The following NAP1L4 variants were observed in gnomAD, a reference collection of about 807,000 sequenced individuals.
The protein encoded by NAP1L4 is nucleosome assembly protein 1 like 4.
A neutral mutation model predicts 58.2 loss-of-function variants in NAP1L4; 15 were observed. The observed-to-expected ratio is 0.26, with a 90% CI of 0.17 to 0.40. NAP1L4 has a LOEUF of 0.40. Ranked by LOEUF, NAP1L4 falls within the 10% of genes least tolerant of loss-of-function variation. The probability of loss-of-function intolerance (pLI) is 1.00; values close to 1 mark genes in which losing one functional copy is unlikely to be tolerated. For missense variants in NAP1L4, 384 were observed against 451.1 expected (o/e 0.85, Z 1.35); for synonymous variants, 171 against 155.6 (o/e 1.10, Z -0.74).
rs548956923 is a variant in NAP1L4 at position 2,956,383 on chromosome 11, G to A, written c.893-617C>T. On this transcript the variant is annotated intron_variant, in intron 10 of 15. Transcript: ENST00000380542. Reference sequence around the variant, plus strand: ...ACCACACTCAATGAAGCTGTGCAACGTTCAACTGGTAGAAGATCCAACCCC... The same window carrying A: ...ACCACACTCAATGAAGCTGTGCAACATTCAACTGGTAGAAGATCCAACCCC... Among the ~76,000 whole-genome samples, 13 of 152,064 alleles carry A rather than the reference G, an allele frequency of 8.5e-5. No homozygotes were observed. In the South Asian group the frequency reaches 2.3e-3, roughly 27 times the overall value.
intron 9 of NAP1L4, chr11:2,958,819 T>C (rs1846699401): frequency 2.8e-5 from 12 of 423,214 alleles, no homozygotes; most frequent in South Asian, 1.4e-4. Context: ...CTCTGAAATG[T>C]ATATTCTGTG....
At chr11:2,975,681 T>A (rs1393623205) in intron 4 of NAP1L4, among the ~76,000 whole-genome samples, 1 of 151,680 alleles carries the variant, frequency 6.6e-6, no homozygotes, top group Admixed American at 6.6e-5. Context: ...CACAGGCTCA[T>A]GTGGGTAAGT....
intron 6 of NAP1L4, among the ~76,000 whole-genome samples, chr11:2,970,447 G>C (rs1480721514): frequency 2.0e-5 from 3 of 151,992 alleles, no homozygotes; most frequent in African/African-American, 7.2e-5. Flanking sequence ...AATTGCCGCA[G>C]CAGTATCTGC....
chr11:2,974,926 G>A (rs988736283), intron 4 of NAP1L4, among the ~76,000 whole-genome samples: 1 of 152,140 alleles, frequency 6.6e-6, no homozygotes, highest in African/African-American at 2.4e-5. Context: ...TACTCAGGAG[G>A]CTGAGGCAGG....
intron 1 of NAP1L4, among the ~76,000 whole-genome samples, chr11:2,985,184 G>A (rs1848549584): frequency 6.6e-6 from 1 of 152,210 alleles, no homozygotes; most frequent in Admixed American, 6.5e-5. Flanking sequence ...CACTAACGGA[G>A]TTTCAGAATT....
chr11:2,958,436 G>A lies in NAP1L4; in HGVS notation c.855C>T (p.Pro285=). ...GTVRTITKQV[P]NESFFNFFNP... ...TGAAGAAGTTGAAAAAGGACTCATT[G>A]GGTACTTGTTTCGTAATTGTTCTAA... Residue 285 remains proline (P), a synonymous_variant, in exon 10 of 16, where the codon CCC becomes CCT. Transcript: ENST00000380542. The A allele has an allele frequency of 6.2e-7, 1 of 1,614,152 alleles. No individual in the cohort carries two copies. Among genetic ancestry groups the A allele is most frequent in the Non-Finnish European group, 8.5e-7 (1 of 1,180,002 alleles).
At chr11:2,962,982 C>T (rs1287347404) in intron 8 of NAP1L4, among the ~76,000 whole-genome samples, 4 of 151,420 alleles carry the variant, frequency 2.6e-5, no homozygotes, top group Non-Finnish European at 5.9e-5. Context: ...TGCCTGTAGT[C>T]CCAGCTACTC....
At chr11:2,958,285 G>A (rs564237731) in intron 10 of NAP1L4, 114 bp downstream of exon 10, 14 of 1,115,364 alleles carry the variant, frequency 1.3e-5, no homozygotes, top group Admixed American at 3.7e-5. Context: ...TGCCCCTACT[G>A]ACCACACTTG....
At chr11:2,962,381 G>A (rs1846977772) in intron 8 of NAP1L4, among the ~76,000 whole-genome samples, 1 of 152,352 alleles carries the variant, frequency 6.6e-6, no homozygotes, top group East Asian at 1.9e-4. Flanking sequence ...CATGTGGTGT[G>A]GCAGGAGCCG....
intron 8 of NAP1L4, 119 bp from the exon 9 acceptor site, chr11:2,960,028 T>C: frequency 2.8e-6 from 3 of 1,065,796 alleles, no homozygotes; most frequent in Non-Finnish European, 4.0e-6. Flanking sequence ...GATAGGGCCA[T>C]GAACAAGAAA....
rs1044718163 is a variant in NAP1L4, at chr11:2,971,041, C to T, written c.402+407G>A. On this transcript the variant is annotated intron_variant, in intron 6 of 15. Coordinates refer to ENST00000380542, the MANE Select transcript of NAP1L4 (RefSeq NM_005969.4). The surrounding 1 kb of genome is among the most constrained non-coding windows in gnomAD (Gnocchi z 4.2). ...GCCACACCACAACCACCATCTGCAACCAATCCACTGGCGGAGCACCTCTCA... is the reference window on the plus strand; with the variant it reads ...GCCACACCACAACCACCATCTGCAATCAATCCACTGGCGGAGCACCTCTCA... Among the ~76,000 whole-genome samples, 3 of 152,220 alleles carry T rather than the reference C, an allele frequency of 2.0e-5. No homozygotes were observed. Among genetic ancestry groups the T allele is most frequent in the Non-Finnish European group, 4.4e-5 (3 of 68,038 alleles).
chr11:2,973,545 G>A (rs931890077), intron 4 of NAP1L4, among the ~76,000 whole-genome samples: 1 of 152,120 alleles, frequency 6.6e-6, no homozygotes, highest in African/African-American at 2.4e-5. Context: ...TGGTCTGGGA[G>A]GTATTAGAAC....
chr11:2,965,654 C>T (rs979172541), intron 7 of NAP1L4, among the ~76,000 whole-genome samples: 4 of 152,102 alleles, frequency 2.6e-5, no homozygotes, highest in African/African-American at 9.7e-5. Context: ...TTCAGCCTCC[C>T]GAGCAGCTGG....
intron 1 of NAP1L4, among the ~76,000 whole-genome samples, chr11:2,984,101 C>A (rs1164993330): frequency 3.5e-5 from 5 of 142,386 alleles, no homozygotes; most frequent in Non-Finnish European, 7.5e-5. Flanking sequence ...GGAGGCCTGG[C>A]GGCTGCAGTG....
At chr11:2,960,540 C>A (rs747242047) in intron 8 of NAP1L4, among the ~76,000 whole-genome samples, 1 of 152,146 alleles carries the variant, frequency 6.6e-6, no homozygotes, top group Non-Finnish European at 1.5e-5. Flanking sequence ...AGCAACAAGG[C>A]ATTCATGCTC....
intron 1 of NAP1L4, chr11:2,991,255 T>C (rs1848948084): frequency 7.2e-6 from 3 of 417,470 alleles, no homozygotes; most frequent in South Asian, 4.8e-5. Context: ...CTTAGAGAAC[T>C]GTGGACGGTG....
chr11:2,980,573 G>A (rs957395892), intron 1 of NAP1L4, among the ~76,000 whole-genome samples: 4 of 152,192 alleles, frequency 2.6e-5, no homozygotes, highest in African/African-American at 9.7e-5. Context: ...AAATAATACA[G>A]GTGTGGTTAC....
chr11:2,978,316 G>A lies in NAP1L4; in HGVS notation c.41C>T (p.Ser14Phe), dbSNP rs772092379. ...ACTTGCATTTTTAGCAGCTTCCACG[G>A]AATCTGAAGGAACCCCATCTGAAAA... ...HSFSDGVPSD[S>F]VEAAKNASNT... Residue 14 changes from serine to phenylalanine, a missense_variant, in exon 3 of 16, where the codon TCC becomes TTC. Ser to Phe is a radical substitution (Grantham distance 155, BLOSUM62 -2). Transcript: ENST00000380542. The A allele has an allele frequency of 6.2e-7, 1 of 1,613,806 alleles. No homozygotes were observed. Among genetic ancestry groups the A allele is most frequent in the African/African-American group, 1.3e-5 (1 of 74,906 alleles).
chr11:2,960,947 C>T (rs1251416171), intron 8 of NAP1L4, among the ~76,000 whole-genome samples: 5 of 152,204 alleles, frequency 3.3e-5, no homozygotes, highest in African/African-American at 9.7e-5. Context: ...CTAGGCAACT[C>T]GCGGAAGCTA....
Sources: allele counts gnomAD v4.1 joint callset (sites outside exome capture counted in the v4.1 genomes callset), GRCh38; gene constraint gnomAD v4.1.1; non-coding constraint Gnocchi (gnomAD v3.1); transcripts MANE v1.5; gene names NCBI Gene and HGNC (gene_info 2026-07-23, HGNC 2026-07-21).